BTBD7: variants seen among roughly 807,000 people sequenced by gnomAD.
The protein encoded by BTBD7 is BTB domain containing 7.
A neutral mutation model predicts 99.9 loss-of-function variants in BTBD7; 38 were observed. The observed-to-expected ratio is 0.38, with a 90% CI of 0.29 to 0.50. BTBD7 has a LOEUF of 0.50. Ranked by LOEUF, BTBD7 falls within the 20% of genes least tolerant of loss-of-function variation. The probability of loss-of-function intolerance (pLI) is 0.93; values close to 1 mark genes in which losing one functional copy is unlikely to be tolerated. For synonymous variants in BTBD7, 520 were observed against 511.4 expected (o/e 1.02, Z -0.23); for missense variants, 1,170 against 1,394.6 (o/e 0.84, Z 2.57).
intron 3 of BTBD7, among the ~76,000 whole-genome samples, chr14:93,290,778 T>A (rs1224295224): frequency 6.6e-6 from 1 of 151,670 alleles, no homozygotes; most frequent in African/African-American, 2.4e-5. Flanking sequence ...GCAACCTCCA[T>A]CTCCCGGGTT....
intron 3 of BTBD7, among the ~76,000 whole-genome samples, chr14:93,269,147 A>C (rs897983155): frequency 6.6e-6 from 1 of 152,220 alleles, no homozygotes; most frequent in African/African-American, 2.4e-5. Flanking sequence ...TAAATACACC[A>C]AACATGGTGA....
intron 1 of BTBD7, among the ~76,000 whole-genome samples, chr14:93,296,806 G>GA (rs534305742): frequency 5.9e-5 from 9 of 151,822 alleles, no homozygotes; most frequent in African/African-American, 1.2e-4. Flanking sequence ...ATAAAGCCCT[G>GA]AAAAAAAATC....
rs1172906129 is a variant in BTBD7, at chr14:93,253,610, A to G, written c.1752+37T>C. ...AACCACTTTGTGCATATGGTTTGTA[A>G]TAAAGTAGTCTACTATCTTCAAATG... On this transcript the variant is annotated intron_variant, in intron 7 of 10. Transcript: ENST00000334746. 3 of 1,581,400 alleles carry G rather than the reference A, an allele frequency of 1.9e-6. No individual in the cohort carries two copies. The East Asian group carries it at 6.7e-5, about 35-fold the overall frequency.
chr14:93,332,554 C>G (rs895137405), intron 1 of BTBD7, among the ~76,000 whole-genome samples: 5 of 151,644 alleles, frequency 3.3e-5, no homozygotes, highest in African/African-American at 1.2e-4. Flanking sequence ...GAGCGCCACA[C>G]CTCGCGCCCC....
At chr14:93,281,165 T>C (rs2052714908) in intron 3 of BTBD7, among the ~76,000 whole-genome samples, 1 of 149,094 alleles carries the variant, frequency 6.7e-6, no homozygotes, top group Admixed American at 6.7e-5. Context: ...TATGCCTGGC[T>C]CTTTTTTTTT....
chr14:93,247,509 C>A (rs961937247), intron 9 of BTBD7, among the ~76,000 whole-genome samples: 1 of 152,186 alleles, frequency 6.6e-6, no homozygotes, highest in Admixed American at 6.5e-5. Flanking sequence ...CCACACCTGG[C>A]TGATGTTTGC....
rs1443902052 is a variant in BTBD7, at chr14:93,289,003, A to T, written c.1162+4855T>A. On this transcript the variant is annotated intron_variant, in intron 3 of 10. Coordinates refer to ENST00000334746, the MANE Select transcript of BTBD7 (RefSeq NM_001002860.4). ...GGAATCTCTCTAATTTCTTTAGAAA[A>T]TTCAGAAAATTTTAGAAAATCTCAG... Among the ~76,000 whole-genome samples the T allele has an allele frequency of 2.6e-5, 4 of 152,092 alleles. No individual in the cohort carries two copies. In the South Asian group the frequency reaches 8.3e-4, roughly 32 times the overall value.
intron 1 of BTBD7, among the ~76,000 whole-genome samples, chr14:93,313,646 T>C (rs117909482): frequency 0.033 from 5,079 of 151,642 alleles, 130 homozygotes; most frequent in Non-Finnish European, 0.049. Context: ...AAGAGGAAAG[T>C]ATCTGAATTT....
At chr14:93,310,690 G>A (rs1008162376) in intron 1 of BTBD7, among the ~76,000 whole-genome samples, 67 of 151,856 alleles carry the variant, frequency 4.4e-4, no homozygotes, top group African/African-American at 1.6e-3. Context: ...GTTGCAGTGA[G>A]CTGAGATAGT....
chr14:93,293,210 A>C (rs552940997), intron 3 of BTBD7, among the ~76,000 whole-genome samples: 1 of 152,322 alleles, frequency 6.6e-6, no homozygotes, highest in East Asian at 1.9e-4. Flanking sequence ...AACTTTCATG[A>C]ATTTGTTTGC....
chr14:93,302,056 G>C (rs985597018), intron 1 of BTBD7, among the ~76,000 whole-genome samples: 10 of 152,164 alleles, frequency 6.6e-5, no homozygotes, highest in African/African-American at 2.4e-4. Flanking sequence ...TGGTTGTGAT[G>C]GTTATCTTGA....
intron 5 of BTBD7, among the ~76,000 whole-genome samples, chr14:93,260,638 C>G (rs1003123590): frequency 2.6e-5 from 4 of 151,976 alleles, no homozygotes; most frequent in African/African-American, 9.7e-5. Context: ...ACCACAACCT[C>G]TGCCTCCCGG....
chr14:93,254,023 C>T (rs183464568), intron 6 of BTBD7, among the ~76,000 whole-genome samples: 245 of 151,754 alleles, frequency 1.6e-3, no homozygotes, highest in Non-Finnish European at 2.9e-3. Flanking sequence ...CTGCAACCTC[C>T]GTCTCCTGGA....
chr14:93,283,760 C>A (rs1238594692), intron 3 of BTBD7, among the ~76,000 whole-genome samples: 1 of 152,208 alleles, frequency 6.6e-6, no homozygotes, highest in African/African-American at 2.4e-5. Flanking sequence ...CTATGTTGGT[C>A]AGGCTGGTCT....
rs1265507797 is a variant in BTBD7 at position 93,257,181 on chromosome 14, A to G, written c.1608+14T>C. 6.2e-7 allele frequency: 1 copy of G among 1,606,898 alleles called. No homozygotes were observed. The highest frequency in any genetic ancestry group is 8.5e-7 in the Non-Finnish European group (1 of 1,177,808). On this transcript the variant is annotated intron_variant, in intron 6 of 10. Coordinates refer to ENST00000334746, the MANE Select transcript of BTBD7 (RefSeq NM_001002860.4). ...TTCTTTTCATGAAAGGAATACATGG[A>G]GAAAAACACTTACTGCATCACTTAA...
chr14:93,290,756 T>C (rs907108049), intron 3 of BTBD7, among the ~76,000 whole-genome samples: 2 of 151,994 alleles, frequency 1.3e-5, no homozygotes, highest in African/African-American at 4.8e-5. Context: ...AGTGGTGCGA[T>C]CTCAGCTCAC....
At chr14:93,317,249 C>T (rs904791509) in intron 1 of BTBD7, among the ~76,000 whole-genome samples, 28 of 152,140 alleles carry the variant, frequency 1.8e-4, no homozygotes, top group Non-Finnish European at 8.8e-5. Flanking sequence ...AAGTGATCTG[C>T]CTGCCTCAGC....
intron 9 of BTBD7, among the ~76,000 whole-genome samples, chr14:93,247,422 A>T (rs1482664277): frequency 2.0e-5 from 3 of 152,160 alleles, no homozygotes; most frequent in Non-Finnish European, 4.4e-5. Flanking sequence ...ATCTTGGCTC[A>T]CAGCAAACTC....
chr14:93,295,896 T>A (rs1055956960), intron 2 of BTBD7, 74 bp downstream of exon 2: 7 of 1,390,710 alleles, frequency 5.0e-6, no homozygotes, highest in African/African-American at 1.4e-5. Flanking sequence ...TCTTTTGTCA[T>A]CTACAGAGAC....
Sources: gnomAD v4.1 joint callset for allele counts (sites outside exome capture counted in the v4.1 genomes callset) on GRCh38, gnomAD v4.1.1 for gene constraint, MANE v1.5 for transcripts, NCBI Gene and HGNC (gene_info 2026-07-23, HGNC 2026-07-21) for gene names.